Variants in ATG10 observed in about 807,000 individuals in gnomAD.
The protein encoded by ATG10 is autophagy related 10.
A neutral mutation model predicts 32.1 loss-of-function variants in ATG10; 30 were observed. The ratio of observed to expected loss-of-function variants is 0.94; its 90% CI spans 0.70 to 1.27. The LOEUF (loss-of-function observed/expected upper bound fraction) is 1.27, where lower values mean the gene tolerates loss of function less well. Ranked by LOEUF, ATG10 falls within the 50% of genes most tolerant of loss-of-function variation. The pLI, the probability that ATG10 is intolerant of heterozygous loss-of-function variation, is 0.00. For synonymous variants in ATG10, 87 were observed against 91.5 expected (o/e 0.95, Z 0.28); for missense variants, 233 against 262.3 (o/e 0.89, Z 0.77).
chr5:82,064,178 AAAC>A lies in ATG10; in HGVS notation c.216+5581_216+5583del, dbSNP rs1374375736. Among the ~76,000 whole-genome samples the A allele has an allele frequency of 2.6e-5, 4 of 152,318 alleles. No homozygotes were observed. In the East Asian group the frequency reaches 5.8e-4, roughly 22 times the overall value. On this transcript the variant is annotated intron_variant, in intron 3 of 7. Transcript: ENST00000282185. The stretch of plus-strand genomic sequence containing the variant: ...TTATAATCTTGTAAGCAACTGCATA[AAAC>A]AACATTATTTTTCATTTCAACCATC...
chr5:82,049,194 T>C (rs985500525), intron 2 of ATG10, among the ~76,000 whole-genome samples: 13 of 151,610 alleles, frequency 8.6e-5, no homozygotes, highest in African/African-American at 3.2e-4. Flanking sequence ...GTGGCACATA[T>C]ACACCATGGA....
intron 5 of ATG10, among the ~76,000 whole-genome samples, chr5:82,235,996 T>A (rs1277386151): frequency 6.6e-6 from 1 of 152,194 alleles, no homozygotes; most frequent in Non-Finnish European, 1.5e-5. Flanking sequence ...CTCTAATAAG[T>A]TTATGTTCTA....
In ATG10 at chr5:82,070,802, A is replaced by G. The variant is rs1019743449; in HGVS notation, c.216+12200A>G. Among the ~76,000 whole-genome samples, 4 of 152,048 alleles carry G rather than the reference A, an allele frequency of 2.6e-5. No homozygotes were observed. The South Asian group carries it at 6.2e-4, about 24-fold the overall frequency. ...CACTCCCAGGTTTTGTGAATAAGTA[A>G]TCTATAGTACCTGGACTTTTTCGTT... On this transcript the variant is annotated intron_variant, in intron 3 of 7. Coordinates refer to ENST00000282185, the MANE Select transcript of ATG10 (RefSeq NM_031482.5).
intron 3 of ATG10, among the ~76,000 whole-genome samples, chr5:82,065,900 GT>G (rs1190798385): frequency 1.3e-5 from 2 of 148,278 alleles, no homozygotes; most frequent in African/African-American, 2.5e-5. Context: ...CTAAACTTAA[GT>G]TTTTTTTTTA....
At chr5:82,235,079 G>A (rs559241653) in intron 5 of ATG10, among the ~76,000 whole-genome samples, 2 of 152,304 alleles carry the variant, frequency 1.3e-5, no homozygotes, top group South Asian at 4.1e-4. Flanking sequence ...ACTCCTAGGG[G>A]ATGGGTGTGC....
intron 3 of ATG10, among the ~76,000 whole-genome samples, chr5:82,084,645 T>C (rs532370929): frequency 3.9e-5 from 6 of 152,202 alleles, no homozygotes; most frequent in Admixed American, 6.5e-5. Flanking sequence ...CGGCAGAAAC[T>C]CTACAAGCCA....
intron 2 of ATG10, among the ~76,000 whole-genome samples, chr5:82,037,898 G>T (rs1762982201): frequency 6.6e-6 from 1 of 151,928 alleles, no homozygotes; most frequent in East Asian, 1.9e-4. Flanking sequence ...TTCATTTGTG[G>T]ATTCAACTTG....
At chr5:82,050,975 C>T (rs956331220) in intron 2 of ATG10, among the ~76,000 whole-genome samples, 5 of 151,936 alleles carry the variant, frequency 3.3e-5, no homozygotes, top group African/African-American at 7.3e-5. Context: ...CATGCCACTG[C>T]TCTCTAACCT....
intron 5 of ATG10, among the ~76,000 whole-genome samples, chr5:82,222,904 C>T (rs549792571): frequency 8.9e-4 from 136 of 152,274 alleles, no homozygotes; most frequent in Non-Finnish European, 1.7e-3. Context: ...TCACACTACC[C>T]GTGATATAGT....
chr5:81,991,491 T>G (rs894315311), intron 2 of ATG10, among the ~76,000 whole-genome samples: 1 of 152,182 alleles, frequency 6.6e-6, no homozygotes, highest in African/African-American at 2.4e-5. Flanking sequence ...TGCTTTCCAA[T>G]GCCTCCCTCT....
chr5:82,056,062 A>G (rs1027203185), intron 2 of ATG10, among the ~76,000 whole-genome samples: 22 of 152,202 alleles, frequency 1.4e-4, no homozygotes, highest in Non-Finnish European at 2.4e-4. Context: ...CGTGTTTCTC[A>G]GAAGGTATTC....
chr5:82,156,775 T>C (rs977537087), intron 3 of ATG10, among the ~76,000 whole-genome samples: 1 of 152,206 alleles, frequency 6.6e-6, no homozygotes, highest in Non-Finnish European at 1.5e-5. Context: ...GATTTTCAAA[T>C]CCATTATTCT....
intron 3 of ATG10, among the ~76,000 whole-genome samples, chr5:82,114,769 C>T (rs1362490160): frequency 6.6e-6 from 1 of 151,860 alleles, no homozygotes. Flanking sequence ...ATGAAGTGGG[C>T]GGCAGTCTGA....
At chr5:82,116,486 G>C (rs1425030616) in intron 3 of ATG10, among the ~76,000 whole-genome samples, 1 of 152,056 alleles carries the variant, frequency 6.6e-6, no homozygotes, top group Non-Finnish European at 1.5e-5. Context: ...TCTCCCATCA[G>C]TAAATGCACC....
At chr5:82,030,628 A>G (rs567632299) in intron 2 of ATG10, among the ~76,000 whole-genome samples, 1 of 152,288 alleles carries the variant, frequency 6.6e-6, no homozygotes, top group African/African-American at 2.4e-5. Context: ...ATAATATATT[A>G]TTTTGGTGAT....
At chr5:82,000,741 C>T (rs749810387) in intron 2 of ATG10, among the ~76,000 whole-genome samples, 2 of 152,122 alleles carry the variant, frequency 1.3e-5, no homozygotes, top group African/African-American at 2.4e-5. Context: ...ACTGCAACCC[C>T]GTCCTCCCAG....
chr5:82,112,079 G>C (rs1230747097), intron 3 of ATG10, among the ~76,000 whole-genome samples: 1 of 151,868 alleles, frequency 6.6e-6, no homozygotes, highest in Non-Finnish European at 1.5e-5. Flanking sequence ...TTTATAATAA[G>C]TAGTTACATA....
chr5:82,043,195 A>G (rs1055239329), intron 2 of ATG10, among the ~76,000 whole-genome samples: 6 of 152,182 alleles, frequency 3.9e-5, no homozygotes, highest in African/African-American at 1.2e-4. Flanking sequence ...TGCAGGCCCA[A>G]TACCACATGG....
chr5:82,124,946 C>A (rs1766199819), intron 3 of ATG10, among the ~76,000 whole-genome samples: 1 of 152,202 alleles, frequency 6.6e-6, no homozygotes, highest in African/African-American at 2.4e-5. Flanking sequence ...TCCTCTCCAG[C>A]ATCTGTTGTT....
Sources: allele counts gnomAD v4.1 joint callset (sites outside exome capture counted in the v4.1 genomes callset), GRCh38; gene constraint gnomAD v4.1.1; transcripts MANE v1.5; gene names NCBI Gene and HGNC (gene_info 2026-07-23, HGNC 2026-07-21).